SCOC: variants seen among roughly 807,000 people sequenced by gnomAD.
SCOC encodes short coiled-coil protein.
In SCOC, 7 loss-of-function variants were observed where a neutral mutation model predicts 9.9. That is an observed-to-expected ratio of 0.71 (90% CI 0.40 to 1.33). SCOC has a LOEUF of 1.33. Among genes scored for constraint, SCOC ranks in the 40% most tolerant of loss-of-function variants. The pLI, the probability that SCOC is intolerant of heterozygous loss-of-function variation, is 0.01. For synonymous variants in SCOC, 19 were observed against 28.2 expected, an observed-to-expected ratio of 0.67 and a Z score of 1.03; for missense variants, 66 against 89.7, an observed-to-expected ratio of 0.74 and a Z score of 1.07.
Position 140,294,756 on chromosome 4 carries a change from G to A in SCOC, c.-19+37346G>A, listed in dbSNP as rs918653055. On this transcript the variant is annotated intron_variant, in intron 1 of 4. Transcript: ENST00000394205. ...CGTGCCGCCCAATCCACCATAAGCT[G>A]AAATGTTGATGACACTGTCATGGAG... Among the ~76,000 whole-genome samples the A allele has an allele frequency of 2.0e-5, 3 of 152,274 alleles. No individual in the cohort carries two copies. In the East Asian group the frequency reaches 5.8e-4, roughly 29 times the overall value.
intron 1 of SCOC, among the ~76,000 whole-genome samples, chr4:140,288,879 C>A: frequency 6.6e-6 from 1 of 152,020 alleles, no homozygotes; most frequent in African/African-American, 2.4e-5. Context: ...CACCCCCATA[C>A]CACATACATA....
At chr4:140,281,828 CAG>C (rs1731103020) in intron 1 of SCOC, among the ~76,000 whole-genome samples, 1 of 152,178 alleles carries the variant, frequency 6.6e-6, no homozygotes, top group African/African-American at 2.4e-5. Context: ...CTGGGGAACT[CAG>C]GGGGCGAGGG....
chr4:140,373,599 C>T, upstream of SCOC: 1 of 1,551,700 alleles, frequency 6.4e-7, no homozygotes, highest in Non-Finnish European at 8.7e-7. Flanking sequence ...GGATGGGATT[C>T]TTCTCACGGC....
Position 140,384,982 on chromosome 4 carries a change from C to T in SCOC, c.*3878C>T. 1 of 152,096 alleles carries T rather than the reference C, an allele frequency of 6.6e-6. No individual in the cohort carries two copies. Among genetic ancestry groups the T allele is most frequent in the Non-Finnish European group, 1.5e-5 (1 of 68,038 alleles). The allele number at this position is 152,096 out of a possible 1,614,324, so 9.4% of individuals were successfully genotyped here. On this transcript the variant is annotated 3_prime_UTR_variant, in exon 4 of 4. Coordinates refer to ENST00000608372, the MANE Select transcript of SCOC (RefSeq NM_001153484.2). ...AGCAGTCTGCATCTTGGAAGAGGGC[C>T]CTCAACACTGATCTCTCAGACTTCC... is the stretch of plus-strand genomic sequence containing the variant.
intron 1 of SCOC, among the ~76,000 whole-genome samples, chr4:140,325,442 G>A (rs1732617195): frequency 6.6e-6 from 1 of 152,100 alleles, no homozygotes; most frequent in South Asian, 2.1e-4. Context: ...CTCGTTTCCA[G>A]AGTGTATATA....
chr4:140,304,540 C>T (rs969321749), intron 1 of SCOC, among the ~76,000 whole-genome samples: 7 of 152,106 alleles, frequency 4.6e-5, no homozygotes, highest in African/African-American at 1.7e-4. Context: ...GGAACTGGGG[C>T]TAAGAACTAC....
intron 2 of SCOC, 115 bp from the exon 3 acceptor site, chr4:140,379,454 C>T (rs1728478523): frequency 2.5e-6 from 2 of 792,042 alleles, no homozygotes; most frequent in Non-Finnish European, 4.2e-6. Flanking sequence ...TTTCACAGGG[C>T]TCTTGTATAA....
intron 1 of SCOC, chr4:140,314,623 C>G (rs1732256375): frequency 6.6e-6 from 1 of 152,138 alleles, no homozygotes; most frequent in Non-Finnish European, 1.5e-5. Flanking sequence ...TAAGAATTCT[C>G]ATGAATTCTT....
intron 1 of SCOC, among the ~76,000 whole-genome samples, chr4:140,313,730 C>T (rs189423956): frequency 3.2e-4 from 49 of 151,912 alleles, no homozygotes; most frequent in Admixed American, 2.1e-3. Flanking sequence ...CTTGCTAATA[C>T]GCAATGTAAA....
chr4:140,322,669 A>T (rs1352112849), intron 1 of SCOC, among the ~76,000 whole-genome samples: 1 of 152,190 alleles, frequency 6.6e-6, no homozygotes, highest in African/African-American at 2.4e-5. Context: ...CTTATAGTAA[A>T]ATGTGAGAAG....
At chr4:140,310,612 A>G (rs1159035740) in intron 1 of SCOC, among the ~76,000 whole-genome samples, 1 of 152,112 alleles carries the variant, frequency 6.6e-6, no homozygotes, top group Non-Finnish European at 1.5e-5. Flanking sequence ...ATATGATAGG[A>G]GTTTTCATTC....
chr4:140,356,790 T>C, intron 2 of SCOC, among the ~76,000 whole-genome samples: 1 of 152,112 alleles, frequency 6.6e-6, no homozygotes, highest in East Asian at 1.9e-4. Context: ...TTAGCACGTA[T>C]TTTAGAGGGA....
At chr4:140,363,036 GC>G (rs1727638052) in intron 2 of SCOC, among the ~76,000 whole-genome samples, 1 of 152,178 alleles carries the variant, frequency 6.6e-6, no homozygotes, top group Non-Finnish European at 1.5e-5. Flanking sequence ...TAAAGAGCAA[GC>G]TTGCTTCCAC....
intron 2 of SCOC, among the ~76,000 whole-genome samples, chr4:140,353,310 T>G (rs1727056933): frequency 6.6e-6 from 1 of 152,196 alleles, no homozygotes; most frequent in Admixed American, 6.5e-5. Flanking sequence ...TGAAACAATA[T>G]ATCCACCAAT....
intron 2 of SCOC, among the ~76,000 whole-genome samples, chr4:140,352,392 A>AT (rs1055027004): frequency 4.6e-5 from 7 of 152,200 alleles, no homozygotes; most frequent in Non-Finnish European, 7.3e-5. Context: ...TAAGCTAAAG[A>AT]TAATATGGAC....
chr4:140,373,562 A>T (rs1050868159), upstream of SCOC: 1 of 1,551,726 alleles, frequency 6.4e-7, no homozygotes, highest in Non-Finnish European at 8.7e-7. Flanking sequence ...TTCTCGAGTC[A>T]GGATTGGCGG....
intron 1 of SCOC, among the ~76,000 whole-genome samples, chr4:140,378,907 G>A (rs1434104848): frequency 3.9e-5 from 6 of 151,944 alleles, no homozygotes; most frequent in Admixed American, 3.9e-4. Flanking sequence ...ACTGTACGGT[G>A]GTATTTATGT....
chr4:140,378,379 A>G (rs1206580193), intron 1 of SCOC, among the ~76,000 whole-genome samples: 2 of 152,072 alleles, frequency 1.3e-5, no homozygotes, highest in African/African-American at 4.8e-5. Flanking sequence ...ATTTATATAT[A>G]TTTCACATAA....
chr4:140,337,840 C>T (rs536447720), intron 1 of SCOC, among the ~76,000 whole-genome samples: 21 of 152,064 alleles, frequency 1.4e-4, no homozygotes, highest in Non-Finnish European at 2.5e-4. Context: ...CGGGACCAGA[C>T]GGATTCACAG....
Sources: gnomAD v4.1 joint callset for allele counts (sites outside exome capture counted in the v4.1 genomes callset) on GRCh38, gnomAD v4.1.1 for gene constraint, MANE v1.5 for transcripts, NCBI Gene and HGNC (gene_info 2026-07-23, HGNC 2026-07-21) for gene names.